Variants in HSD17B12 observed in about 807,000 individuals in gnomAD.
HSD17B12 encodes the protein very-long-chain 3-oxoacyl-CoA reductase.
HSD17B12 carries 32 observed loss-of-function variants against 39.3 expected under a neutral mutation model. The observed-to-expected ratio is 0.81, with a 90% CI of 0.61 to 1.09. HSD17B12 has a LOEUF of 1.09. HSD17B12 is among the 50% of genes least tolerant of loss of function. HSD17B12 has a pLI of 0.00. For synonymous variants in HSD17B12, 150 were observed against 146.7 expected (o/e 1.02, Z -0.16); for missense variants, 342 against 382.9 (o/e 0.89, Z 0.89).
chr11:43,762,017 A>G (rs1285676830), intron 3 of HSD17B12, among the ~76,000 whole-genome samples: 2 of 152,200 alleles, frequency 1.3e-5, no homozygotes, highest in Non-Finnish European at 2.9e-5. Context: ...CTGGATTTGG[A>G]AAATACAATC....
chr11:43,662,155 G>A, the HSD17B12 span, among the ~76,000 whole-genome samples: 1 of 151,170 alleles, frequency 6.6e-6, no homozygotes, highest in Non-Finnish European at 1.5e-5. Flanking sequence ...TGCTGTGATC[G>A]CACCACTGCA....
intron 1 of HSD17B12, among the ~76,000 whole-genome samples, chr11:43,708,949 T>A (rs1376928509): frequency 6.6e-6 from 1 of 152,014 alleles, no homozygotes; most frequent in African/African-American, 2.4e-5. Flanking sequence ...AGATTTCACC[T>A]TTTTTTTGTT....
At chr11:43,671,401 A>C in the HSD17B12 span, among the ~76,000 whole-genome samples, 1 of 152,236 alleles carries the variant, frequency 6.6e-6, no homozygotes, top group Non-Finnish European at 1.5e-5. Context: ...GACTGGTCTC[A>C]AACTCCTGAC....
chr11:43,748,137 C>A (rs545576394), intron 1 of HSD17B12, among the ~76,000 whole-genome samples: 1 of 152,026 alleles, frequency 6.6e-6, no homozygotes, highest in African/African-American at 2.4e-5. Flanking sequence ...TAAAAACAGT[C>A]GGGAGATGAA....
chr11:43,763,233 A>T (rs755195642), intron 3 of HSD17B12, among the ~76,000 whole-genome samples: 10 of 152,180 alleles, frequency 6.6e-5, no homozygotes, highest in Non-Finnish European at 1.0e-4. Context: ...ACAAGAAATG[A>T]TTATAGTCTT....
intron 1 of HSD17B12, among the ~76,000 whole-genome samples, chr11:43,728,043 T>G (rs1950236373): frequency 6.6e-6 from 1 of 151,998 alleles, no homozygotes; most frequent in Non-Finnish European, 1.5e-5. Context: ...CATAGTGTGA[T>G]TCTGTTTTTT....
At chr11:43,838,079 C>A in intron 7 of HSD17B12, 1 of 508,884 alleles carries the variant, frequency 2.0e-6, no homozygotes, top group Non-Finnish European at 3.5e-6. Context: ...TGGTTATGCC[C>A]TGGGTTACTA....
intron 1 of HSD17B12, among the ~76,000 whole-genome samples, chr11:43,704,808 G>A (rs953123744): frequency 4.6e-5 from 7 of 152,168 alleles, no homozygotes; most frequent in Admixed American, 2.0e-4. Flanking sequence ...TGGCCACCTT[G>A]AAGACCAGAC....
At chr11:43,675,783 A>G (rs1302030255), upstream of HSD17B12, among the ~76,000 whole-genome samples, 1 of 152,128 alleles carries the variant, frequency 6.6e-6, no homozygotes, top group Non-Finnish European at 1.5e-5. Context: ...AAGACCTGCT[A>G]AAGAATTGGA....
chr11:43,657,711 A>AGAATGTTGAATATT, the HSD17B12 span, among the ~76,000 whole-genome samples: 1 of 152,158 alleles, frequency 6.6e-6, no homozygotes, highest in South Asian at 2.1e-4. Flanking sequence ...CTTTCCTTTA[A>AGAATGTTGAATATT]GAATGTTGAA....
intron 9 of HSD17B12, among the ~76,000 whole-genome samples, chr11:43,850,639 T>C (rs2135147017): frequency 6.6e-6 from 1 of 152,376 alleles, no homozygotes; most frequent in South Asian, 2.1e-4. Flanking sequence ...ATATCTGCCA[T>C]GCAGTTTCAG....
At chr11:43,607,118 G>A in the HSD17B12 span, among the ~76,000 whole-genome samples, 1 of 152,144 alleles carries the variant, frequency 6.6e-6, no homozygotes, top group Non-Finnish European at 1.5e-5. Flanking sequence ...AATTGTTATT[G>A]TGTTGAGACC....
At chr11:43,782,357 A>T (rs1458292477) in intron 3 of HSD17B12, among the ~76,000 whole-genome samples, 1 of 152,156 alleles carries the variant, frequency 6.6e-6, no homozygotes, top group Non-Finnish European at 1.5e-5. Flanking sequence ...AATTAAAAGG[A>T]TGGAAACAAA....
At chr11:43,723,908 C>T (rs924926650) in intron 1 of HSD17B12, 1 of 152,286 alleles carries the variant, frequency 6.6e-6, no homozygotes, top group Middle Eastern at 3.4e-3. Flanking sequence ...CTCATTTTCC[C>T]TCCAACTCTT....
chr11:43,652,547 C>A, the HSD17B12 span, among the ~76,000 whole-genome samples: 254 of 152,312 alleles, frequency 1.7e-3, 1 homozygote, highest in Admixed American at 2.8e-3. Flanking sequence ...AGTTGCAAGT[C>A]TGGGCCTCCA....
At chr11:43,747,388 G>A (rs536892239) in intron 1 of HSD17B12, among the ~76,000 whole-genome samples, 9 of 152,198 alleles carry the variant, frequency 5.9e-5, no homozygotes, top group Non-Finnish European at 1.3e-4. Flanking sequence ...TCTTCAATAA[G>A]GCTTTGATGG....
intron 3 of HSD17B12, among the ~76,000 whole-genome samples, chr11:43,778,425 A>C (rs1950732096): frequency 6.6e-6 from 1 of 152,188 alleles, no homozygotes; most frequent in Non-Finnish European, 1.5e-5. Flanking sequence ...AACTGGTACC[A>C]TTCCTTCTGA....
chr11:43,615,471 T>C, the HSD17B12 span, among the ~76,000 whole-genome samples: 10 of 152,218 alleles, frequency 6.6e-5, no homozygotes, highest in South Asian at 2.1e-4. Context: ...TCTTTCTCTC[T>C]GGTGCCCAAT....
chr11:43,725,693 A>G (rs536049667), intron 1 of HSD17B12, among the ~76,000 whole-genome samples: 12 of 152,282 alleles, frequency 7.9e-5, no homozygotes, highest in African/African-American at 2.9e-4. Context: ...GGGGAGAGAG[A>G]CAAAAATAAA....
Sources: gnomAD v4.1 joint callset for allele counts (sites outside exome capture counted in the v4.1 genomes callset) on GRCh38, gnomAD v4.1.1 for gene constraint, MANE v1.5 for transcripts, NCBI Gene and HGNC (gene_info 2026-07-23, HGNC 2026-07-21) for gene names.